OPRM1: variants seen among roughly 807,000 people sequenced by gnomAD.
The protein encoded by OPRM1 is opioid receptor mu 1.
Under a neutral mutation model 31.8 loss-of-function variants are expected in OPRM1, and 27 were observed. That is an observed-to-expected ratio of 0.85 (90% CI 0.63 to 1.17). The LOEUF (loss-of-function observed/expected upper bound fraction) is 1.17, where lower values mean the gene tolerates loss of function less well. OPRM1 is among the 50% of genes most tolerant of loss of function. The pLI is 0.00. For synonymous variants in OPRM1, 196 were observed against 189.9 expected, an observed-to-expected ratio of 1.03 and a Z score of -0.26; for missense variants, 536 against 511.1, an observed-to-expected ratio of 1.05 and a Z score of -0.47.
intron 1 of OPRM1, among the ~76,000 whole-genome samples, chr6:154,028,996 CT>C (rs1263391673): frequency 6.6e-6 from 1 of 151,856 alleles, no homozygotes. Flanking sequence ...AACTGGTGTT[CT>C]TATCAGGGGG....
chr6:154,198,397 T>A (rs974471904), intron 3 of OPRM1, among the ~76,000 whole-genome samples: 1 of 152,180 alleles, frequency 6.6e-6, no homozygotes, highest in African/African-American at 2.4e-5. Context: ...CCTATGCTAC[T>A]CATTCACCTC....
intron 3 of OPRM1, among the ~76,000 whole-genome samples, chr6:154,097,342 A>C (rs1216952691): frequency 6.6e-6 from 1 of 152,186 alleles, no homozygotes; most frequent in East Asian, 1.9e-4. Context: ...TCCCCAGCTA[A>C]ACTAAAAGCA....
At chr6:154,056,711 G>T (rs984340478) in intron 1 of OPRM1, among the ~76,000 whole-genome samples, 1 of 152,094 alleles carries the variant, frequency 6.6e-6, no homozygotes, top group Non-Finnish European at 1.5e-5. Context: ...TCACCGAAAT[G>T]CTGGGTTCAG....
At position 154,119,253 on chromosome 6, in the gene OPRM1, C is replaced by T; in HGVS notation, c.*532C>T. 1 of 985,330 alleles carries T rather than the reference C, an allele frequency of 1.0e-6. No homozygotes were observed. Among genetic ancestry groups the T allele is most frequent in the Non-Finnish European group, 1.2e-6 (1 of 829,518 alleles). The allele number at this position is 985,330 out of a possible 1,614,324, so 61.0% of individuals were successfully genotyped here. A position where few individuals can be genotyped will look rare whatever the true frequency, so the allele number is the denominator to read the frequency against. ...GCATCTGGCTAAGGCATCATTTTCACCTCCATTTCTTGGTTTTGTATTGTT... is the reference window on the plus strand; with the variant it reads ...GCATCTGGCTAAGGCATCATTTTCATCTCCATTTCTTGGTTTTGTATTGTT... On this transcript the variant is annotated 3_prime_UTR_variant, in exon 4 of 4. Transcript: ENST00000330432.
chr6:154,171,200 C>T (rs144597541), intron 3 of OPRM1, among the ~76,000 whole-genome samples: 2 of 152,222 alleles, frequency 1.3e-5, no homozygotes, highest in African/African-American at 4.8e-5. Flanking sequence ...ACAGACTCAA[C>T]TTGGGAAGAT....
chr6:154,010,551 G>T, exon 1 of OPRM1: 1 of 1,546,270 alleles, frequency 6.5e-7, no homozygotes, highest in Non-Finnish European at 8.8e-7. Flanking sequence ...AAGCTGGGAA[G>T]CCCTCCAGGT....
At chr6:154,068,988 G>C (rs963529116) in intron 1 of OPRM1, among the ~76,000 whole-genome samples, 1 of 151,996 alleles carries the variant, frequency 6.6e-6, no homozygotes, top group African/African-American at 2.4e-5. Flanking sequence ...TATACCTGTT[G>C]ACCATGTGTA....
intron 3 of OPRM1, among the ~76,000 whole-genome samples, chr6:154,099,920 ATG>A (rs1486962251): frequency 1.4e-5 from 2 of 143,616 alleles, no homozygotes; most frequent in Non-Finnish European, 3.0e-5. Flanking sequence ...ATATCATAAC[ATG>A]TATTATCATA....
chr6:154,207,710 C>A (rs1246798320), intron 3 of OPRM1, among the ~76,000 whole-genome samples: 2 of 152,142 alleles, frequency 1.3e-5, no homozygotes, highest in Non-Finnish European at 2.9e-5. Flanking sequence ...CCACAGTTTG[C>A]AGGATTTATT....
At chr6:154,144,646 G>T (rs1021341387) in intron 3 of OPRM1, among the ~76,000 whole-genome samples, 2 of 151,428 alleles carry the variant, frequency 1.3e-5, no homozygotes, top group Non-Finnish European at 2.9e-5. Context: ...TACTGGGGAG[G>T]CTGTAGCAGG....
chr6:154,021,231 A>G (rs1778349217), intron 1 of OPRM1, among the ~76,000 whole-genome samples: 1 of 152,196 alleles, frequency 6.6e-6, no homozygotes, highest in Admixed American at 6.5e-5. Flanking sequence ...TCTCCGCTGT[A>G]TTCCCTTTGC....
chr6:154,134,019 A>C (rs1797994427), downstream of OPRM1, among the ~76,000 whole-genome samples: 1 of 152,124 alleles, frequency 6.6e-6, no homozygotes, highest in South Asian at 2.1e-4. Context: ...TTGGCTGAAG[A>C]CTCATTTTTA....
At chr6:154,022,722 T>G (rs1381084435) in intron 1 of OPRM1, among the ~76,000 whole-genome samples, 1 of 152,226 alleles carries the variant, frequency 6.6e-6, no homozygotes, top group African/African-American at 2.4e-5. Context: ...GATTTGATTT[T>G]TGTATATGGT....
intron 1 of OPRM1, 47 bp from the exon 2 acceptor site, chr6:154,089,779 C>A: frequency 7.7e-7 from 1 of 1,306,266 alleles, no homozygotes; most frequent in Non-Finnish European, 1.1e-6. Context: ...CTATATTTTA[C>A]ACTAGTGTCT....
At position 154,129,537 on chromosome 6, in the gene OPRM1, T is replaced by A. The variant is rs60700980; in HGVS notation, c.*10816T>A. On this transcript the variant is annotated 3_prime_UTR_variant, in exon 4 of 4. Transcript: ENST00000330432. ...ATATGATTGGAGACTTCCACATAAT[T>A]GAGTTTTAGTGCCCACTGTTACAGA... is the stretch of plus-strand genomic sequence containing the variant. Among the ~76,000 whole-genome samples, 1 of 152,160 alleles carries A rather than the reference T, an allele frequency of 6.6e-6. No homozygotes were observed. The highest frequency in any genetic ancestry group is 1.5e-5 in the Non-Finnish European group (1 of 68,028).
At chr6:154,197,893 A>G (rs899161710) in intron 3 of OPRM1, among the ~76,000 whole-genome samples, 1 of 152,210 alleles carries the variant, frequency 6.6e-6, no homozygotes, top group Non-Finnish European at 1.5e-5. Flanking sequence ...AAGCGTTTGT[A>G]GGAGAAAAAT....
In OPRM1 at chr6:154,239,286, A is replaced by G. The variant is rs529574641; in HGVS notation, c.1165-7407A>G. On this transcript the variant is annotated intron_variant, in intron 3 of 3. Coordinates refer to the OPRM1 transcript ENST00000337049. ...CCCAACTACAGATAATGTGGCCATAAAGCTATGACAGGGGAACCATTATTT... is the reference window on the plus strand; with the variant it reads ...CCCAACTACAGATAATGTGGCCATAGAGCTATGACAGGGGAACCATTATTT... Among the ~76,000 whole-genome samples the G allele has an allele frequency of 7.2e-5, 11 of 152,360 alleles. No homozygotes were observed. In the South Asian group the frequency reaches 2.1e-3, roughly 29 times the overall value.
At chr6:154,057,973 C>T (rs941035386) in intron 1 of OPRM1, among the ~76,000 whole-genome samples, 9 of 152,108 alleles carry the variant, frequency 5.9e-5, no homozygotes, top group Non-Finnish European at 1.3e-4. Context: ...TAGAAAAGGG[C>T]CACTATTCTG....
At chr6:154,098,012 T>C (rs756207912) in intron 3 of OPRM1, among the ~76,000 whole-genome samples, 1 of 152,196 alleles carries the variant, frequency 6.6e-6, no homozygotes, top group Non-Finnish European at 1.5e-5. Flanking sequence ...GGAGGATTGT[T>C]TGAGGCCAGG....
Sources: allele counts gnomAD v4.1 joint callset (sites outside exome capture counted in the v4.1 genomes callset), GRCh38; gene constraint gnomAD v4.1.1; transcripts MANE v1.5; gene names NCBI Gene and HGNC (gene_info 2026-07-23, HGNC 2026-07-21).